FAM184B: variants seen among roughly 807,000 people sequenced by gnomAD.
The protein encoded by FAM184B is family with sequence similarity 184 member B.
A neutral mutation model predicts 135.9 loss-of-function variants in FAM184B; 111 were observed. The ratio of observed to expected loss-of-function variants is 0.82; its 90% CI spans 0.70 to 0.96. The LOEUF (loss-of-function observed/expected upper bound fraction) is 0.96. Among genes scored for constraint, FAM184B ranks in the 40% least tolerant of loss-of-function variants. The probability of loss-of-function intolerance (pLI) is 0.00; values close to 1 mark genes in which losing one functional copy is unlikely to be tolerated. For missense variants in FAM184B, 1,375 were observed against 1,323.9 expected (o/e 1.04, Z -0.60); for synonymous variants, 552 against 524.8 (o/e 1.05, Z -0.71).
At chr4:17,707,232 T>C (rs888274465) in intron 3 of FAM184B, among the ~76,000 whole-genome samples, 1 of 152,168 alleles carries the variant, frequency 6.6e-6, no homozygotes, top group African/African-American at 2.4e-5. Flanking sequence ...CCACCATCAA[T>C]CTGCCCAACC....
intron 1 of FAM184B, among the ~76,000 whole-genome samples, chr4:17,756,444 T>C (rs1007651965): frequency 6.6e-6 from 1 of 152,196 alleles, no homozygotes; most frequent in African/African-American, 2.4e-5. Context: ...AATGATATCC[T>C]CCTCTAATAA....
intron 1 of FAM184B, among the ~76,000 whole-genome samples, chr4:17,738,033 C>A (rs1330703276): frequency 1.3e-5 from 2 of 152,156 alleles, no homozygotes; most frequent in Non-Finnish European, 2.9e-5. Flanking sequence ...TAATATTCCA[C>A]ATATCATCTG....
chr4:17,646,572 G>T (rs1170872326), intron 12 of FAM184B, among the ~76,000 whole-genome samples: 1 of 151,908 alleles, frequency 6.6e-6, no homozygotes, highest in Non-Finnish European at 1.5e-5. Context: ...ACACACCGGG[G>T]ACTGTTGTGG....
At chr4:17,735,669 C>G (rs1029323696) in intron 1 of FAM184B, among the ~76,000 whole-genome samples, 1 of 150,006 alleles carries the variant, frequency 6.7e-6, no homozygotes, top group Non-Finnish European at 1.5e-5. Context: ...TCTATCCAAC[C>G]GTTCATTTTT....
intron 1 of FAM184B, among the ~76,000 whole-genome samples, chr4:17,747,738 G>C (rs1448570623): frequency 6.6e-6 from 1 of 151,764 alleles, no homozygotes; most frequent in Non-Finnish European, 1.5e-5. Flanking sequence ...TGGCTAACAC[G>C]ATGAAACCCC....
chr4:17,638,190 G>C (rs1309052625), intron 14 of FAM184B, among the ~76,000 whole-genome samples: 2 of 28,958 alleles, frequency 6.9e-5, no homozygotes, highest in Non-Finnish European at 8.3e-5. Context: ...TTTTTGTTTT[G>C]TTTTGTTTTG....
At chr4:17,773,924 C>G (rs911017086) in intron 1 of FAM184B, among the ~76,000 whole-genome samples, 1 of 152,138 alleles carries the variant, frequency 6.6e-6, no homozygotes, top group African/African-American at 2.4e-5. Context: ...ACATGCTATC[C>G]CACTCATTTT....
intron 10 of FAM184B, 83 bp downstream of exon 10, chr4:17,658,267 G>A (rs565226777): frequency 7.4e-6 from 9 of 1,209,356 alleles, no homozygotes; most frequent in Non-Finnish European, 1.1e-5. Context: ...TGGATGTCAT[G>A]TAGAAAAGGG....
chr4:17,732,713 A>G (rs1292513231), intron 1 of FAM184B, among the ~76,000 whole-genome samples: 1 of 152,138 alleles, frequency 6.6e-6, no homozygotes, highest in Non-Finnish European at 1.5e-5. Context: ...CAACCAAAAA[A>G]AGTCCAGGAC....
rs144245121 is a variant in FAM184B at position 17,737,879 on chromosome 4, C to T, written c.142-28235G>A. On this transcript the variant is annotated intron_variant, in intron 1 of 17. Transcript: ENST00000265018. ...AGGTACCATACTAGCTGCTGAGGAA[C>T]GCAAAGATACAAGGGCCATGGTTCC... Among the ~76,000 whole-genome samples, 467 of 152,230 alleles carry T rather than the reference C, an allele frequency of 3.1e-3. 4 individuals carry two copies. The highest frequency in any genetic ancestry group is 0.011 in the African/African-American group (451 of 41,542).
chr4:17,681,765 G>A (rs114023783), intron 7 of FAM184B, among the ~76,000 whole-genome samples: 1 of 152,038 alleles, frequency 6.6e-6, no homozygotes, highest in South Asian at 2.1e-4. Context: ...GCTTGCCTTG[G>A]GCTGCTTCCC....
At chr4:17,778,348 C>T (rs561175123) in intron 1 of FAM184B, among the ~76,000 whole-genome samples, 2 of 152,116 alleles carry the variant, frequency 1.3e-5, no homozygotes, top group Non-Finnish European at 2.9e-5. Flanking sequence ...AATAAATCAT[C>T]ATACAACAGT....
intron 6 of FAM184B, 89 bp downstream of exon 6, chr4:17,693,213 G>C: frequency 3.1e-6 from 3 of 968,126 alleles, no homozygotes; most frequent in South Asian, 3.2e-5. Context: ...GTCCTTTTCT[G>C]TCTTCCAAAA....
At chr4:17,746,985 C>T (rs1718181664) in intron 1 of FAM184B, among the ~76,000 whole-genome samples, 1 of 148,388 alleles carries the variant, frequency 6.7e-6, no homozygotes, top group African/African-American at 2.5e-5. Flanking sequence ...TTGCAGTGAG[C>T]TGAGATCACG....
At chr4:17,642,526 C>A (rs964990189) in intron 12 of FAM184B, among the ~76,000 whole-genome samples, 1 of 152,194 alleles carries the variant, frequency 6.6e-6, no homozygotes, top group Non-Finnish European at 1.5e-5. Context: ...GGGTGCCCTC[C>A]ATGCCTGCCT....
Position 17,652,818 on chromosome 4 carries a change from T to C in FAM184B, c.2191+12A>G, listed in dbSNP as rs893269843. 3.0e-5 allele frequency: 47 copies of C among 1,549,084 alleles called. No individual in the cohort carries two copies. In the Admixed American group the frequency reaches 3.9e-4, roughly 13 times the overall value. ...TGGCCAGGCCCTCCTCAGTACACTA[T>C]TGGGTGTATACCTAGCAGCAGGGCC... On this transcript the variant is annotated intron_variant, in intron 11 of 17. Transcript: ENST00000265018.
intron 1 of FAM184B, among the ~76,000 whole-genome samples, chr4:17,714,290 G>A (rs1022507815): frequency 6.6e-5 from 10 of 152,148 alleles, no homozygotes; most frequent in African/African-American, 2.2e-4. Flanking sequence ...GATTGCCAAT[G>A]GAATTTGGGT....
rs1013071799 is a variant in FAM184B at position 17,677,303 on chromosome 4, C to A, written c.1596+11121G>T. On this transcript the variant is annotated intron_variant, in intron 7 of 17. Transcript: ENST00000265018. ...CCTCAAGTGATCTGCCCACATTGAC[C>A]TCCCAAAGTGTTAGGATTACAGGCG... Among the ~76,000 whole-genome samples, 8 of 152,284 alleles carry A rather than the reference C, an allele frequency of 5.3e-5. No individual in the cohort carries two copies. The East Asian group carries it at 1.3e-3, about 26-fold the overall frequency.
At chr4:17,766,130 G>A (rs914813205) in intron 1 of FAM184B, among the ~76,000 whole-genome samples, 10 of 152,200 alleles carry the variant, frequency 6.6e-5, no homozygotes, top group Non-Finnish European at 1.0e-4. Flanking sequence ...ACCTAACCAG[G>A]TTGCCATTGC....
Sources: gnomAD v4.1 joint callset for allele counts (sites outside exome capture counted in the v4.1 genomes callset) on GRCh38, gnomAD v4.1.1 for gene constraint, MANE v1.5 for transcripts, NCBI Gene and HGNC (gene_info 2026-07-23, HGNC 2026-07-21) for gene names.